The following KCTD8 variants were observed in gnomAD, a reference collection of about 807,000 sequenced individuals.
KCTD8 encodes the protein BTB/POZ domain-containing protein KCTD8.
Under a neutral mutation model 31.5 loss-of-function variants are expected in KCTD8, and 27 were observed. That is an observed-to-expected ratio of 0.86 (90% CI 0.63 to 1.18). The LOEUF is 1.18. Ranked by LOEUF, KCTD8 falls within the 50% of genes most tolerant of loss-of-function variation. The pLI, the probability that KCTD8 is intolerant of heterozygous loss-of-function variation, is 0.00. For synonymous variants in KCTD8, 290 were observed against 280.0 expected (o/e 1.04, Z -0.36); for missense variants, 658 against 647.7 (o/e 1.02, Z -0.17).
chr4:44,360,308 T>A (rs905755112), intron 1 of KCTD8, among the ~76,000 whole-genome samples: 1 of 152,058 alleles, frequency 6.6e-6, no homozygotes, highest in Non-Finnish European at 1.5e-5. Flanking sequence ...CAAAAGAAGT[T>A]AAGAAAAGCC....
chr4:44,183,085 C>T (rs34095364), intron 1 of KCTD8, among the ~76,000 whole-genome samples: 1 of 152,132 alleles, frequency 6.6e-6, no homozygotes, highest in Non-Finnish European at 1.5e-5. Flanking sequence ...CACACTGATT[C>T]TGGGTCTGCA....
rs567417601 is a variant in KCTD8, at chr4:44,214,059, C to T, written c.962-38809G>A. On this transcript the variant is annotated intron_variant, in intron 1 of 1. Coordinates refer to ENST00000360029, the MANE Select transcript of KCTD8 (RefSeq NM_198353.3). ...TTCACCATACATTTCTTCCCTTCAC[C>T]TTCCCATAATTTAGTGCCACCCACT... is the stretch of plus-strand genomic sequence containing the variant. 4.6e-5 allele frequency among the ~76,000 whole-genome samples: 7 copies of T among 152,274 alleles called. No individual in the cohort carries two copies. In the East Asian group the frequency reaches 1.4e-3, roughly 29 times the overall value.
Position 44,448,353 on chromosome 4 carries a change from G to C in KCTD8, c.171C>G (p.Thr57=), listed in dbSNP as rs1053106063. Residue 57 remains threonine (T), a synonymous_variant, in exon 1 of 2, where the codon ACC becomes ACG. Coordinates refer to ENST00000360029, the MANE Select transcript of KCTD8 (RefSeq NM_198353.3). This position sits in a 1 kb window ranked among gnomAD's most constrained non-coding sequence, Gnocchi z 4.1. The stretch of plus-strand genomic sequence containing the variant: ...GGACGCTGAGCAGCGTCGAGTGCTT[G>C]GTCACATAAACCTGGCCGCCTACGT... ...ELNVGGQVYV[T]KHSTLLSVPD... The C allele has an allele frequency of 6.9e-6, 11 of 1,594,316 alleles. No homozygotes were observed. The highest frequency in any genetic ancestry group is 9.4e-6 in the Non-Finnish European group (11 of 1,170,710).
chr4:44,251,797 GA>G (rs1042072063), intron 1 of KCTD8, among the ~76,000 whole-genome samples: 11 of 149,544 alleles, frequency 7.4e-5, no homozygotes, highest in East Asian at 3.9e-4. Flanking sequence ...TAACAGGATT[GA>G]AAAAAAAATC....
intron 1 of KCTD8, among the ~76,000 whole-genome samples, chr4:44,433,980 G>A (rs1368606249): frequency 6.6e-6 from 1 of 151,782 alleles, no homozygotes; most frequent in Non-Finnish European, 1.5e-5. Flanking sequence ...TTTTGAAAAT[G>A]CACATTCTGA....
At chr4:44,206,507 T>C (rs968983539) in intron 1 of KCTD8, among the ~76,000 whole-genome samples, 3 of 152,092 alleles carry the variant, frequency 2.0e-5, no homozygotes, top group African/African-American at 7.2e-5. Context: ...TTTATGGCCT[T>C]CCATTGATTG....
At chr4:44,311,943 T>A (rs1332279469) in intron 1 of KCTD8, among the ~76,000 whole-genome samples, 1 of 151,380 alleles carries the variant, frequency 6.6e-6, no homozygotes, top group Non-Finnish European at 1.5e-5. Flanking sequence ...ATAACTAGAC[T>A]GCCCACACTT....
intron 1 of KCTD8, among the ~76,000 whole-genome samples, chr4:44,344,889 C>T (rs888566982): frequency 1.3e-5 from 2 of 152,160 alleles, no homozygotes; most frequent in Admixed American, 6.6e-5. Flanking sequence ...ACATACATTC[C>T]TCTAAGCAAC....
At chr4:44,334,635 G>A (rs1043305369) in intron 1 of KCTD8, among the ~76,000 whole-genome samples, 2 of 151,790 alleles carry the variant, frequency 1.3e-5, no homozygotes, top group Non-Finnish European at 2.9e-5. Context: ...CAGAAATTTT[G>A]GGAGAATATA....
chr4:44,293,639 G>T (rs1423500915), intron 1 of KCTD8, among the ~76,000 whole-genome samples: 2 of 151,834 alleles, frequency 1.3e-5, no homozygotes, highest in Non-Finnish European at 2.9e-5. Context: ...CTAGGAATCT[G>T]GTGAGTTAGG....
chr4:44,256,044 C>T (rs1416448598), intron 1 of KCTD8, among the ~76,000 whole-genome samples: 2 of 151,792 alleles, frequency 1.3e-5, no homozygotes, highest in South Asian at 2.1e-4. Flanking sequence ...AAAGGGAAAG[C>T]AAAGGCGCTT....
At chr4:44,394,581 C>G (rs1026108783) in intron 1 of KCTD8, among the ~76,000 whole-genome samples, 2 of 151,998 alleles carry the variant, frequency 1.3e-5, no homozygotes, top group African/African-American at 4.8e-5. Flanking sequence ...TCCTTAAGAT[C>G]AGATCCTGGC....
intron 1 of KCTD8, among the ~76,000 whole-genome samples, chr4:44,295,171 T>G (rs1219013069): frequency 2.6e-5 from 4 of 151,996 alleles, no homozygotes. Flanking sequence ...TGGCACACGA[T>G]TGTAGTTCCA....
chr4:44,224,703 CTT>C (rs1211318656), intron 1 of KCTD8, among the ~76,000 whole-genome samples: 13 of 152,254 alleles, frequency 8.5e-5, no homozygotes, highest in Non-Finnish European at 1.8e-4. Context: ...ATTTCAGTGA[CTT>C]AATATAATAA....
intron 1 of KCTD8, among the ~76,000 whole-genome samples, chr4:44,414,358 G>GT (rs140609323): frequency 0.078 from 11,804 of 152,134 alleles, 1,275 homozygotes; most frequent in African/African-American, 0.25. Flanking sequence ...ACAAAACAAT[G>GT]TAATTCCCTT....
chr4:44,322,607 C>T (rs949263154), intron 1 of KCTD8, among the ~76,000 whole-genome samples: 1 of 151,972 alleles, frequency 6.6e-6, no homozygotes, highest in Non-Finnish European at 1.5e-5. Flanking sequence ...TACCATTTGT[C>T]TATTTTTGCT....
At chr4:44,307,811 A>G (rs1717845675) in intron 1 of KCTD8, among the ~76,000 whole-genome samples, 1 of 151,994 alleles carries the variant, frequency 6.6e-6, no homozygotes, top group Admixed American at 6.6e-5. Context: ...CTTTTTCCGC[A>G]AAATGCATGA....
Position 44,200,717 on chromosome 4 carries a change from G to A in KCTD8, c.962-25467C>T, listed in dbSNP as rs1416238866. Among the ~76,000 whole-genome samples the A allele has an allele frequency of 2.0e-5, 3 of 151,972 alleles. No individual in the cohort carries two copies. The East Asian group carries it at 5.8e-4, about 29-fold the overall frequency. ...TGAACATCATACTGAACAGGCAAAA[G>A]CTTAAATCATTGCCCTTGAGACCTA... On this transcript the variant is annotated intron_variant, in intron 1 of 1. Coordinates refer to ENST00000360029, the MANE Select transcript of KCTD8 (RefSeq NM_198353.3).
chr4:44,316,456 T>A (rs926388745), intron 1 of KCTD8, among the ~76,000 whole-genome samples: 13 of 152,232 alleles, frequency 8.5e-5, no homozygotes, highest in African/African-American at 2.6e-4. Flanking sequence ...GATGATGTTG[T>A]CTTCAGATGT....
Sources: allele counts gnomAD v4.1 joint callset (sites outside exome capture counted in the v4.1 genomes callset), GRCh38; gene constraint gnomAD v4.1.1; non-coding constraint Gnocchi (gnomAD v3.1); transcripts MANE v1.5; gene names NCBI Gene and HGNC (gene_info 2026-07-23, HGNC 2026-07-21).